HEMK2: variants seen among roughly 807,000 people sequenced by gnomAD.
The protein encoded by HEMK2 is HemK methyltransferase 2, ETF1 glutamine and histone H4 lysine.
At chr21:28,693,783 A>G in the HEMK2 span, among the ~76,000 whole-genome samples, 7 of 152,274 alleles carry the variant, frequency 4.6e-5, no homozygotes, top group African/African-American at 1.7e-4. Flanking sequence ...TGGCAATCTC[A>G]TCTAGCTATC....
chr21:28,713,631 C>G, the HEMK2 span, among the ~76,000 whole-genome samples: 1 of 152,164 alleles, frequency 6.6e-6, no homozygotes, highest in East Asian at 1.9e-4. Flanking sequence ...GTAGCACTTT[C>G]TCAGGGAACC....
chr21:28,885,201 C>T, the HEMK2 span: 7 of 1,559,922 alleles, frequency 4.5e-6, no homozygotes, highest in South Asian at 8.0e-5. Context: ...GAGCCCCTCC[C>T]CTCCTCGCAC....
the HEMK2 span, among the ~76,000 whole-genome samples, chr21:28,761,385 AT>A: frequency 6.6e-6 from 1 of 152,138 alleles, no homozygotes; most frequent in Non-Finnish European, 1.5e-5. Flanking sequence ...TATTAAAAAT[AT>A]TTTTAATTGC....
the HEMK2 span, among the ~76,000 whole-genome samples, chr21:28,768,682 C>T: frequency 3.3e-5 from 5 of 152,014 alleles, no homozygotes; most frequent in Non-Finnish European, 1.5e-5. Context: ...GAGTTCCTTT[C>T]CCTCCAGTTT....
chr21:28,670,650 ACTG>A, the HEMK2 span, among the ~76,000 whole-genome samples: 3 of 152,182 alleles, frequency 2.0e-5, no homozygotes, highest in East Asian at 5.8e-4. Context: ...CCGTTTTCAC[ACTG>A]CTACAAAGAA....
the HEMK2 span, among the ~76,000 whole-genome samples, chr21:28,690,263 A>C: frequency 1.3e-5 from 2 of 152,176 alleles, no homozygotes; most frequent in Non-Finnish European, 2.9e-5. Flanking sequence ...CAGCCAAACC[A>C]TATCACTGAG....
the HEMK2 span, among the ~76,000 whole-genome samples, chr21:28,770,377 T>C: frequency 6.6e-6 from 1 of 152,142 alleles, no homozygotes; most frequent in South Asian, 2.1e-4. Flanking sequence ...AGGTTTTCCT[T>C]ACCATTCAAT....
chr21:28,608,141 T>A, the HEMK2 span, among the ~76,000 whole-genome samples: 2 of 152,124 alleles, frequency 1.3e-5, no homozygotes, highest in Non-Finnish European at 2.9e-5. Context: ...AATGAAAATA[T>A]CTAGTATTAA....
the HEMK2 span, among the ~76,000 whole-genome samples, chr21:28,664,563 T>C: frequency 2.6e-5 from 4 of 152,168 alleles, no homozygotes; most frequent in Non-Finnish European, 5.9e-5. Flanking sequence ...GTGCAGAGTA[T>C]TGAAAGCATG....
the HEMK2 span, among the ~76,000 whole-genome samples, chr21:28,877,260 G>GGAAGGAAGGAAGGAAT: frequency 8.0e-5 from 1 of 12,490 alleles, no homozygotes; most frequent in Non-Finnish European, 1.9e-4. Flanking sequence ...GGAAGAGAAG[G>GGAAGGAAGGAAGGAAT]GAAGGAAGGA....
chr21:28,637,124 T>C, the HEMK2 span, among the ~76,000 whole-genome samples: 5 of 152,206 alleles, frequency 3.3e-5, no homozygotes, highest in Admixed American at 1.3e-4. Context: ...GTTTTCAGAC[T>C]GGATTTCCAA....
chr21:28,622,153 G>A, the HEMK2 span, among the ~76,000 whole-genome samples: 2 of 152,044 alleles, frequency 1.3e-5, no homozygotes. Context: ...AAATCAATGT[G>A]CAAAAATTAC....
At chr21:28,813,454 C>T in the HEMK2 span, among the ~76,000 whole-genome samples, 1 of 152,158 alleles carries the variant, frequency 6.6e-6, no homozygotes, top group Admixed American at 6.5e-5. Flanking sequence ...AAAAACATTC[C>T]ATGTTCACGG....
the HEMK2 span, among the ~76,000 whole-genome samples, chr21:28,588,952 C>T: frequency 6.9e-6 from 1 of 144,640 alleles, no homozygotes; most frequent in Admixed American, 7.1e-5. Flanking sequence ...CACTGCACTC[C>T]AGCCTGGGCA....
At chr21:28,740,526 T>C in the HEMK2 span, among the ~76,000 whole-genome samples, 1 of 152,218 alleles carries the variant, frequency 6.6e-6, no homozygotes, top group Non-Finnish European at 1.5e-5. Context: ...GCAAAATATA[T>C]CAAATCTAGT....
At chr21:28,707,134 G>C in the HEMK2 span, among the ~76,000 whole-genome samples, 1 of 151,950 alleles carries the variant, frequency 6.6e-6, no homozygotes, top group Non-Finnish European at 1.5e-5. Flanking sequence ...CATTGAGAAT[G>C]TTTAAATATT....
the HEMK2 span, among the ~76,000 whole-genome samples, chr21:28,771,245 G>A: frequency 6.6e-6 from 1 of 152,132 alleles, no homozygotes; most frequent in African/African-American, 2.4e-5. Flanking sequence ...TGATGGCCAA[G>A]TACTAATATT....
the HEMK2 span, among the ~76,000 whole-genome samples, chr21:28,634,311 G>A: frequency 6.6e-6 from 1 of 152,156 alleles, no homozygotes; most frequent in Non-Finnish European, 1.5e-5. Flanking sequence ...TTTGCTGGCA[G>A]GGATGCTCTC....
At chr21:28,636,534 CCTGT>C in the HEMK2 span, among the ~76,000 whole-genome samples, 1 of 152,112 alleles carries the variant, frequency 6.6e-6, no homozygotes, top group African/African-American at 2.4e-5. Flanking sequence ...CCTAAGCATG[CCTGT>C]CTAATTGCAA....
Sources: gnomAD v4.1 joint callset for allele counts (sites outside exome capture counted in the v4.1 genomes callset) on GRCh38, gnomAD v4.1.1 for gene constraint, MANE v1.5 for transcripts, NCBI Gene and HGNC (gene_info 2026-07-23, HGNC 2026-07-21) for gene names.